Variants in HS6ST3 observed in about 807,000 individuals in gnomAD.
HS6ST3 encodes the protein heparan-sulfate 6-O-sulfotransferase 3.
Under a neutral mutation model 36.7 loss-of-function variants are expected in HS6ST3, and 12 were observed. The ratio of observed to expected loss-of-function variants is 0.33; its 90% CI spans 0.21 to 0.53. HS6ST3 has a LOEUF of 0.53. Among genes scored for constraint, HS6ST3 ranks in the 20% least tolerant of loss-of-function variants. The pLI is 0.95. For missense variants in HS6ST3, 584 were observed against 640.9 expected (o/e 0.91, Z 0.96); for synonymous variants, 240 against 257.5 (o/e 0.93, Z 0.65).
chr13:96,230,409 G>A (rs2054502515), intron 1 of HS6ST3, among the ~76,000 whole-genome samples: 1 of 152,098 alleles, frequency 6.6e-6, no homozygotes, highest in African/African-American at 2.4e-5. Context: ...TGATTTGATG[G>A]GAAAGGTAAA....
At chr13:96,603,341 G>T (rs913716301) in intron 1 of HS6ST3, among the ~76,000 whole-genome samples, 1 of 152,156 alleles carries the variant, frequency 6.6e-6, no homozygotes, top group Non-Finnish European at 1.5e-5. Context: ...ATTTGTTCTT[G>T]TCTTTGCCTT....
At position 96,196,680 on chromosome 13, in the gene HS6ST3, G is replaced by A. The variant is rs188568107; in HGVS notation, c.707+105111G>A. Among the ~76,000 whole-genome samples the A allele has an allele frequency of 3.9e-4, 60 of 152,316 alleles. 2 individuals carry two copies. The highest frequency in any genetic ancestry group is 6.3e-4 in the Non-Finnish European group (43 of 68,024). On this transcript the variant is annotated intron_variant, in intron 1 of 1. Transcript: ENST00000376705. ...CATGGGTGTGCAGAGCTCACCTGCA[G>A]CATGCTGATGTCACTGGAGGGAGAG...
intron 1 of HS6ST3, among the ~76,000 whole-genome samples, chr13:96,388,863 A>G (rs1374906534): frequency 6.6e-6 from 1 of 152,076 alleles, no homozygotes; most frequent in Admixed American, 6.6e-5. Context: ...TTCCATCAGG[A>G]TTGTAAGTTT....
At chr13:96,148,148 G>A (rs1299313212) in intron 1 of HS6ST3, among the ~76,000 whole-genome samples, 2 of 152,066 alleles carry the variant, frequency 1.3e-5, no homozygotes, top group East Asian at 1.9e-4. Context: ...TAGAAATTTG[G>A]TGTTGTTTTT....
chr13:96,258,354 T>C (rs1265078928), intron 1 of HS6ST3, among the ~76,000 whole-genome samples: 1 of 150,938 alleles, frequency 6.6e-6, no homozygotes, highest in African/African-American at 2.4e-5. Context: ...TGTCAGATGT[T>C]CAAAACAACA....
intron 1 of HS6ST3, among the ~76,000 whole-genome samples, chr13:96,444,255 A>G (rs1020511611): frequency 6.6e-6 from 1 of 152,202 alleles, no homozygotes; most frequent in Non-Finnish European, 1.5e-5. Flanking sequence ...GTGTTATATA[A>G]AGGGAAGCAC....
intron 1 of HS6ST3, among the ~76,000 whole-genome samples, chr13:96,300,301 C>T (rs2054875784): frequency 6.6e-6 from 1 of 151,920 alleles, no homozygotes; most frequent in African/African-American, 2.4e-5. Context: ...AGGTGATCCA[C>T]CCGTCTCGGC....
rs1449712490 is a variant in HS6ST3, at chr13:96,608,082, A to G, written c.708-224408A>G. Among the ~76,000 whole-genome samples, 4 of 152,308 alleles carry G rather than the reference A, an allele frequency of 2.6e-5. No individual in the cohort carries two copies. The East Asian group carries it at 5.8e-4, about 22-fold the overall frequency. ...AATTGCAGTAGATTGAAGCCCATCAAATATGTTAAAATCTTTGCGTTCATA... is the reference window on the plus strand; with the variant it reads ...AATTGCAGTAGATTGAAGCCCATCAGATATGTTAAAATCTTTGCGTTCATA... On this transcript the variant is annotated intron_variant, in intron 1 of 1. Transcript: ENST00000376705.
At chr13:96,148,018 C>A (rs1172381028) in intron 1 of HS6ST3, among the ~76,000 whole-genome samples, 1 of 152,182 alleles carries the variant, frequency 6.6e-6, no homozygotes, top group Non-Finnish European at 1.5e-5. Context: ...GTGTCACTCA[C>A]TGATGACCCA....
At chr13:96,419,307 T>G (rs1224684252) in intron 1 of HS6ST3, among the ~76,000 whole-genome samples, 2 of 152,204 alleles carry the variant, frequency 1.3e-5, no homozygotes, top group African/African-American at 2.4e-5. Context: ...ACCTTAATAC[T>G]GAAGCTGCAT....
chr13:96,663,927 A>C (rs929176499), intron 1 of HS6ST3, among the ~76,000 whole-genome samples: 1 of 152,162 alleles, frequency 6.6e-6, no homozygotes, highest in Non-Finnish European at 1.5e-5. Flanking sequence ...TATCCATAAA[A>C]GGCATATTTA....
intron 1 of HS6ST3, among the ~76,000 whole-genome samples, chr13:96,382,961 G>A (rs779970471): frequency 3.9e-5 from 6 of 152,122 alleles, no homozygotes; most frequent in Non-Finnish European, 8.8e-5. Context: ...TTTTCATTGT[G>A]TGTTTGTGTG....
intron 1 of HS6ST3, among the ~76,000 whole-genome samples, chr13:96,136,944 A>G (rs935836711): frequency 6.6e-6 from 1 of 152,066 alleles, no homozygotes; most frequent in Non-Finnish European, 1.5e-5. Flanking sequence ...GTCATGCTAG[A>G]CAAAAGGTCT....
intron 1 of HS6ST3, among the ~76,000 whole-genome samples, chr13:96,291,017 C>G (rs888247002): frequency 2.6e-5 from 4 of 152,210 alleles, no homozygotes; most frequent in African/African-American, 9.6e-5. Flanking sequence ...CAGAAGCAAC[C>G]TTTTCTGTGA....
In HS6ST3 at chr13:96,262,265, G is replaced by C. The variant is rs917961055; in HGVS notation, c.707+170696G>C. ...ATGTAAAGAAAAATAGAAATAGAAG[G>C]CAAACGTTTTCTATGTTTAAAAGAC... On this transcript the variant is annotated intron_variant, in intron 1 of 1. Transcript: ENST00000376705. 3.3e-5 allele frequency among the ~76,000 whole-genome samples: 5 copies of C among 152,020 alleles called. No individual in the cohort carries two copies. The South Asian group carries it at 1.0e-3, about 32-fold the overall frequency.
chr13:96,346,431 G>T (rs943470878), intron 1 of HS6ST3, among the ~76,000 whole-genome samples: 1 of 151,896 alleles, frequency 6.6e-6, no homozygotes, highest in African/African-American at 2.4e-5. Context: ...AAAATTAGCC[G>T]GGCGTGGTGG....
chr13:96,616,844 G>T (rs2056475934), intron 1 of HS6ST3, among the ~76,000 whole-genome samples: 1 of 152,158 alleles, frequency 6.6e-6, no homozygotes. Flanking sequence ...GCACCTGGTA[G>T]GTGTCAGTAA....
At chr13:96,106,786 A>C (rs1050025396) in intron 1 of HS6ST3, among the ~76,000 whole-genome samples, 2 of 152,230 alleles carry the variant, frequency 1.3e-5, no homozygotes, top group African/African-American at 4.8e-5. Context: ...ATTAGCTGAG[A>C]GTCGTGAGGA....
intron 1 of HS6ST3, among the ~76,000 whole-genome samples, chr13:96,133,148 A>G (rs979929502): frequency 6.6e-6 from 1 of 151,452 alleles, no homozygotes; most frequent in Admixed American, 6.6e-5. Context: ...TTATTTTTTG[A>G]GATGGAGTTT....
Sources: allele counts gnomAD v4.1 joint callset (sites outside exome capture counted in the v4.1 genomes callset), GRCh38; gene constraint gnomAD v4.1.1; transcripts MANE v1.5; gene names NCBI Gene and HGNC (gene_info 2026-07-23, HGNC 2026-07-21).